Variants in NF1 observed in about 807,000 individuals in gnomAD.
NF1 encodes neurofibromin 1, also known as neurofibromin.
Under a neutral mutation model 325.7 loss-of-function variants are expected in NF1, and 122 were observed. The observed-to-expected ratio is 0.37, with a 90% CI of 0.32 to 0.44. The LOEUF (loss-of-function observed/expected upper bound fraction) is 0.44. Ranked by LOEUF, NF1 falls within the 20% of genes least tolerant of loss-of-function variation. NF1 has a pLI of 1.00. For missense variants in NF1, 2,140 were observed against 3,415.4 expected, an observed-to-expected ratio of 0.63 and a Z score of 9.31; for synonymous variants, 1,091 against 1,186.0, an observed-to-expected ratio of 0.92 and a Z score of 1.65.
chr17:31,337,027 T>A, intron 42 of NF1, 113 bp downstream of exon 42: 1 of 1,109,086 alleles, frequency 9.0e-7, no homozygotes, highest in Non-Finnish European at 1.3e-6. Context: ...GTTGCTAATT[T>A]AAGCCTCCAG....
intron 3 of NF1, among the ~76,000 whole-genome samples, chr17:31,160,302 A>C (rs1267173880): frequency 1.3e-5 from 2 of 152,018 alleles, no homozygotes; most frequent in Non-Finnish European, 2.9e-5. Context: ...TGGTCAGGCT[A>C]GTTTTGAACT....
Position 31,336,205 on chromosome 17 carries a change from C to G in NF1, c.6007-128C>G. 4 of 886,000 alleles carry G rather than the reference C, an allele frequency of 4.5e-6. No individual in the cohort carries two copies. Among genetic ancestry groups the G allele is most frequent in the Non-Finnish European group, 7.1e-6 (4 of 565,606 alleles). 54.9% of individuals were successfully genotyped at this position (886,000 alleles called of 1,614,324 possible). On this transcript the variant is annotated intron_variant, in intron 40 of 57. Transcript: ENST00000358273. The surrounding 1 kb of genome is among the most constrained non-coding windows in gnomAD (Gnocchi z 5.5). The stretch of plus-strand genomic sequence containing the variant: ...TTACTGACAGGCCTGTAAATAAAAT[C>G]TAGTATTTTTGAGGCCTCAGGTAAA...
intron 36 of NF1, among the ~76,000 whole-genome samples, chr17:31,283,602 G>A (rs2151487790): frequency 6.6e-6 from 1 of 152,058 alleles, no homozygotes; most frequent in Non-Finnish European, 1.5e-5. Flanking sequence ...CTACAGGTGT[G>A]CACCACCATG....
At chr17:31,326,472 A>AC (rs2069344969) in intron 37 of NF1, among the ~76,000 whole-genome samples, 1 of 152,044 alleles carries the variant, frequency 6.6e-6, no homozygotes, top group Non-Finnish European at 1.5e-5. Flanking sequence ...ACACGGTGAA[A>AC]CCCCGTCTCT....
At chr17:31,214,843 CTTTGATGAGA>C (rs1199285056) in intron 13 of NF1, among the ~76,000 whole-genome samples, 2 of 152,138 alleles carry the variant, frequency 1.3e-5, no homozygotes, top group East Asian at 1.9e-4. Flanking sequence ...AACTAACATA[CTTTGATGAGA>C]TCTCTGTTCT....
In NF1 at chr17:31,319,284, AT is replaced by A. The variant is rs369954202; in HGVS notation, c.4836-6535del. On this transcript the variant is annotated intron_variant, in intron 36 of 57. Transcript: ENST00000358273. ...TATTAATCATTTTAAGTGGACTATC[AT>A]GGCTTTATATAGTTTTCTTCCTTTG... Among the ~76,000 whole-genome samples, 486 of 152,086 alleles carry A rather than the reference AT, an allele frequency of 3.2e-3. 2 individuals are homozygous for A. The highest frequency in any genetic ancestry group is 0.011 in the African/African-American group (469 of 41,470).
intron 1 of NF1, among the ~76,000 whole-genome samples, chr17:31,114,908 A>G (rs529458909): frequency 6.6e-6 from 1 of 152,312 alleles, no homozygotes; most frequent in African/African-American, 2.4e-5. Context: ...ATGTGTGTGC[A>G]TGCCTGTGGC....
intron 51 of NF1, 58 bp downstream of exon 51, chr17:31,352,472 A>G: frequency 7.1e-7 from 1 of 1,416,318 alleles, no homozygotes; most frequent in Non-Finnish European, 9.4e-7. Flanking sequence ...AGATATTTTT[A>G]CTCTTGGAAA....
chr17:31,255,453 G>A (rs886866852), intron 31 of NF1, among the ~76,000 whole-genome samples: 4 of 151,884 alleles, frequency 2.6e-5, no homozygotes, highest in African/African-American at 4.8e-5. Context: ...GTTGACTTAC[G>A]AAACTTGTTA....
At chr17:31,367,353 C>T in intron 57 of NF1, 1 of 974,966 alleles carries the variant, frequency 1.0e-6, no homozygotes, top group South Asian at 1.4e-5. Context: ...TAGCATGAGA[C>T]TTTACTCACC....
intron 51 of NF1, among the ~76,000 whole-genome samples, chr17:31,353,584 C>T (rs1418765560): frequency 6.6e-6 from 1 of 152,188 alleles, no homozygotes; most frequent in Non-Finnish European, 1.5e-5. Flanking sequence ...CACCACTGCA[C>T]TCCAGCCTGG....
At position 31,161,846 on chromosome 17, in the gene NF1, G is replaced by A. The variant is rs548927979; in HGVS notation, c.289-1340G>A. ...AGGTCAGGAATCCAAGACCAGCCTG[G>A]CCAACATGGCAAAACCCCATATCTG... is the stretch of plus-strand genomic sequence containing the variant. On this transcript the variant is annotated intron_variant, in intron 3 of 57. Coordinates refer to ENST00000358273, the MANE Select transcript of NF1 (RefSeq NM_001042492.3). Among the ~76,000 whole-genome samples the A allele has an allele frequency of 5.9e-5, 9 of 151,992 alleles. No homozygotes were observed. In the East Asian group the frequency reaches 1.6e-3, roughly 26 times the overall value.
At position 31,360,713 on chromosome 17, in the gene NF1, T is replaced by C. The variant is rs1321286725; in HGVS notation, c.8377+10T>C. 6.2e-7 allele frequency: 1 copy of C among 1,600,486 alleles called. No homozygotes were observed. Among genetic ancestry groups the C allele is most frequent in the African/African-American group, 1.3e-5 (1 of 74,732 alleles). ...TCCCAGCATTCCCCAGGTCAGTAAA[T>C]GTGATCTTTATATGACTTTGAGCAA... On this transcript the variant is annotated intron_variant, in intron 57 of 57. Transcript: ENST00000358273.
chr17:31,247,333 A>G (rs1047999028), intron 29 of NF1, among the ~76,000 whole-genome samples: 9 of 152,166 alleles, frequency 5.9e-5, no homozygotes, highest in African/African-American at 2.2e-4. Flanking sequence ...ACATGATAAG[A>G]CATAAGAGTA....
rs146801147 is a variant in NF1 at position 31,114,822 on chromosome 17, C to T, written c.60+19453C>T. Among the ~76,000 whole-genome samples, 1,062 of 152,212 alleles carry T rather than the reference C, an allele frequency of 7.0e-3. 9 individuals are homozygous for T. Among genetic ancestry groups the T allele is most frequent in the Middle Eastern group, 0.024 (7 of 294 alleles). Reference sequence around the variant, plus strand: ...TGAGCCAAGATCACACCACTGCACTCCAGCCTGGGCGACAGAGCAAGACTC... The same window carrying T: ...TGAGCCAAGATCACACCACTGCACTTCAGCCTGGGCGACAGAGCAAGACTC... On this transcript the variant is annotated intron_variant, in intron 1 of 57. Transcript: ENST00000358273.
At chr17:31,151,487 G>A (rs1017570287) in intron 1 of NF1, among the ~76,000 whole-genome samples, 5 of 152,128 alleles carry the variant, frequency 3.3e-5, no homozygotes, top group Admixed American at 6.5e-5. Flanking sequence ...GGTTCTTGCC[G>A]TTTAGCACAG....
chr17:31,197,960 G>A (rs1597677781), intron 8 of NF1, among the ~76,000 whole-genome samples: 1 of 152,270 alleles, frequency 6.6e-6, no homozygotes, highest in East Asian at 1.9e-4. Context: ...CTTTTACGAT[G>A]TTGAGGAAAT....
intron 36 of NF1, among the ~76,000 whole-genome samples, chr17:31,311,285 T>G (rs1238800106): frequency 6.6e-6 from 1 of 152,100 alleles, no homozygotes; most frequent in Non-Finnish European, 1.5e-5. Flanking sequence ...AATGCATAAG[T>G]ACTTAAAGGG....
intron 37 of NF1, among the ~76,000 whole-genome samples, chr17:31,326,903 A>G (rs565277059): frequency 2.0e-5 from 3 of 152,144 alleles, no homozygotes; most frequent in African/African-American, 7.2e-5. Flanking sequence ...TAAAATCAGT[A>G]CTTTTCTATA....
Sources: gnomAD v4.1 joint callset for allele counts (sites outside exome capture counted in the v4.1 genomes callset) on GRCh38, gnomAD v4.1.1 for gene constraint, Gnocchi (gnomAD v3.1) non-coding constraint, MANE v1.5 for transcripts, NCBI Gene and HGNC (gene_info 2026-07-23, HGNC 2026-07-21) for gene names.